The following TLL2 variants were observed in gnomAD, a reference collection of about 807,000 sequenced individuals.
TLL2 encodes the protein tolloid like 2.
TLL2 carries 106 observed loss-of-function variants against 123.0 expected under a neutral mutation model. That is an observed-to-expected ratio of 0.86 (90% CI 0.74 to 1.01). The LOEUF (loss-of-function observed/expected upper bound fraction) is 1.01, where lower values mean the gene tolerates loss of function less well. Among genes scored for constraint, TLL2 ranks in the 50% least tolerant of loss-of-function variants. The pLI is 0.00. For missense variants in TLL2, 1,332 were observed against 1,336.7 expected (o/e 1.00, Z 0.06); for synonymous variants, 494 against 516.8 (o/e 0.96, Z 0.60).
At chr10:96,478,085 G>A (rs1589432714) in intron 2 of TLL2, among the ~76,000 whole-genome samples, 1 of 152,326 alleles carries the variant, frequency 6.6e-6, no homozygotes, top group Middle Eastern at 3.4e-3. Flanking sequence ...AGGGCTGCTG[G>A]GCTTCCTCCA....
chr10:96,453,354 G>A (rs1846980775), intron 2 of TLL2, among the ~76,000 whole-genome samples: 1 of 152,156 alleles, frequency 6.6e-6, no homozygotes, highest in African/African-American at 2.4e-5. Context: ...TACTTAGGAG[G>A]CTGAGGCAGG....
chr10:96,477,155 T>C lies in TLL2; in HGVS notation c.286+3194A>G, dbSNP rs1293116087. Among the ~76,000 whole-genome samples, 3 of 150,192 alleles carry C rather than the reference T, an allele frequency of 2.0e-5. No individual in the cohort carries two copies. The Admixed American group carries it at 2.0e-4, about 10-fold the overall frequency. On this transcript the variant is annotated intron_variant, in intron 2 of 20. Coordinates refer to ENST00000357947, the MANE Select transcript of TLL2 (RefSeq NM_012465.4). ...ACTATTCTAGGTAGACGCAAAGTACTATTGGACCTCAGAGAAAAATGATCA... is the reference window on the plus strand; with the variant it reads ...ACTATTCTAGGTAGACGCAAAGTACCATTGGACCTCAGAGAAAAATGATCA...
chr10:96,367,293 C>T lies in TLL2; in HGVS notation c.*795G>A, dbSNP rs1846037730. ...ATGGAATTCCAAGCACAGGTGGAGT[C>T]TTCTCAAAGTCAATGAATGAAAAAA... On this transcript the variant is annotated 3_prime_UTR_variant, in exon 21 of 21. Coordinates refer to ENST00000357947, the MANE Select transcript of TLL2 (RefSeq NM_012465.4). 1 of 151,890 alleles carries T rather than the reference C, an allele frequency of 6.6e-6. No homozygotes were observed. Among genetic ancestry groups the T allele is most frequent in the African/African-American group, 2.4e-5 (1 of 41,230 alleles). The allele number at this position is 151,890 out of a possible 1,614,324, so 9.4% of individuals were successfully genotyped here.
intron 1 of TLL2, among the ~76,000 whole-genome samples, chr10:96,500,847 T>C (rs1299077418): frequency 6.6e-6 from 1 of 151,392 alleles, no homozygotes; most frequent in East Asian, 1.9e-4. Context: ...AAAATCTGTA[T>C]GTCCAACAAT....
chr10:96,499,501 T>C (rs1421394215), intron 1 of TLL2, among the ~76,000 whole-genome samples: 2 of 152,232 alleles, frequency 1.3e-5, no homozygotes, highest in African/African-American at 4.8e-5. Context: ...TGGTGTGGTT[T>C]CAGTCTCCTA....
At chr10:96,407,102 C>T (rs1196412202) in intron 9 of TLL2, among the ~76,000 whole-genome samples, 1 of 152,024 alleles carries the variant, frequency 6.6e-6, no homozygotes, top group Non-Finnish European at 1.5e-5. Context: ...ACCCATATAT[C>T]ATGTTGACCA....
At chr10:96,446,483 T>C (rs1440865408) in intron 2 of TLL2, among the ~76,000 whole-genome samples, 1 of 145,114 alleles carries the variant, frequency 6.9e-6, no homozygotes, top group Non-Finnish European at 1.5e-5. Flanking sequence ...CAAAATCAGC[T>C]TCCTCACGCG....
intron 7 of TLL2, among the ~76,000 whole-genome samples, chr10:96,415,308 GT>G (rs1283133854): frequency 6.6e-6 from 1 of 152,054 alleles, no homozygotes; most frequent in African/African-American, 2.4e-5. Flanking sequence ...CATGCCCTCT[GT>G]TTTTTTGTCT....
rs1456082148 is a variant in TLL2, at chr10:96,384,744, C to G, written c.2037G>C (p.Glu679Asp). The change falls in exon 16 of 21, where the codon GAG (glutamate) becomes GAC (aspartate). Residue 679 changes from glutamate (E) to aspartate (D), a missense_variant. Transcript: ENST00000357947. Reference sequence around the variant, plus strand: ...CGTCGGGGGACAGGCCGCTGCGCACCTCTACAAAGTCGTACTTACAGACCT... The same window carrying G: ...CGTCGGGGGACAGGCCGCTGCGCACGTCTACAAAGTCGTACTTACAGACCT... Reference protein sequence around the residue: ...GNDVCKYDFVEVRSGLSPDAK... With the variant: ...GNDVCKYDFVDVRSGLSPDAK... 6.2e-7 allele frequency: 1 copy of G among 1,603,232 alleles called. No homozygotes were observed. The highest frequency in any genetic ancestry group is 2.2e-5 in the East Asian group (1 of 44,454).
intron 4 of TLL2, among the ~76,000 whole-genome samples, chr10:96,432,153 C>T (rs1480808996): frequency 6.6e-6 from 1 of 152,128 alleles, no homozygotes; most frequent in Non-Finnish European, 1.5e-5. Context: ...ATATTAATAT[C>T]AGATACATAC....
intron 2 of TLL2, among the ~76,000 whole-genome samples, chr10:96,472,325 T>G (rs1243708649): frequency 6.6e-6 from 1 of 152,088 alleles, no homozygotes; most frequent in Non-Finnish European, 1.5e-5. Context: ...CCATTCTCAT[T>G]TGGACACTTG....
intron 17 of TLL2, among the ~76,000 whole-genome samples, chr10:96,377,978 G>T (rs1029765033): frequency 2.0e-5 from 3 of 152,240 alleles, no homozygotes; most frequent in African/African-American, 7.2e-5. Flanking sequence ...AGGCAAGCCT[G>T]GTCCTGGCCC....
At chr10:96,379,927 T>G (rs1367245622) in intron 16 of TLL2, among the ~76,000 whole-genome samples, 1 of 152,214 alleles carries the variant, frequency 6.6e-6, no homozygotes, top group African/African-American at 2.4e-5. Context: ...TGGGCTCAAG[T>G]GCCGCGACTC....
chr10:96,469,953 G>A (rs765122942), intron 2 of TLL2, among the ~76,000 whole-genome samples: 59 of 152,246 alleles, frequency 3.9e-4, no homozygotes, highest in African/African-American at 1.2e-3. Flanking sequence ...AGTTCTGACC[G>A]GTGGGAGCCA....
At chr10:96,508,161 G>A (rs995129934) in intron 1 of TLL2, among the ~76,000 whole-genome samples, 3 of 152,100 alleles carry the variant, frequency 2.0e-5, no homozygotes, top group Non-Finnish European at 4.4e-5. Flanking sequence ...CAGGATGCCC[G>A]CCCTGCCATG....
rs1290582345 is a variant in TLL2 at position 96,367,328 on chromosome 10, C to T, written c.*760G>A. 4.0e-5 allele frequency: 6 copies of T among 151,362 alleles called. No homozygotes were observed. Among genetic ancestry groups the T allele is most frequent in the Non-Finnish European group, 7.4e-5 (5 of 67,430 alleles). 9.4% of individuals were successfully genotyped at this position (151,362 alleles called of 1,614,324 possible). Reference sequence around the variant, plus strand: ...TCAATGAATGAAAAAAATATCAGGACGAGCCACAATATTGTCTTCTCAGCA... The same window carrying T: ...TCAATGAATGAAAAAAATATCAGGATGAGCCACAATATTGTCTTCTCAGCA... On this transcript the variant is annotated 3_prime_UTR_variant, in exon 21 of 21. Coordinates refer to ENST00000357947, the MANE Select transcript of TLL2 (RefSeq NM_012465.4).
At chr10:96,479,102 T>C (rs1272246590) in intron 2 of TLL2, among the ~76,000 whole-genome samples, 1 of 152,142 alleles carries the variant, frequency 6.6e-6, no homozygotes, top group Non-Finnish European at 1.5e-5. Flanking sequence ...TTAAGTAAAG[T>C]TCTGAATATA....
At chr10:96,488,104 G>A (rs888033882) in intron 1 of TLL2, among the ~76,000 whole-genome samples, 10 of 152,192 alleles carry the variant, frequency 6.6e-5, no homozygotes, top group Admixed American at 3.9e-4. Context: ...GTTGTTGCGA[G>A]CATCAGCTGA....
In TLL2 at chr10:96,480,388, A is replaced by C; in HGVS notation, c.247T>G (p.Trp83Gly). The C allele has an allele frequency of 1.9e-6, 3 of 1,614,188 alleles. No individual in the cohort carries two copies. The highest frequency in any genetic ancestry group is 2.5e-6 in the Non-Finnish European group (3 of 1,180,036). ...GTTGCCCCCACTGTCTGCTTGGTCC[A>C]GTCTCTGGCTTTGTCAATGTGAAAC... Reference protein sequence around the residue: ...KLFHIDKARDWTKQTVGATGH... With the variant: ...KLFHIDKARDGTKQTVGATGH... The change falls in exon 2 of 21, where the codon TGG becomes GGG. Residue 83 changes from tryptophan (W) to glycine (G), a missense_variant. Coordinates refer to ENST00000357947, the MANE Select transcript of TLL2 (RefSeq NM_012465.4).
Sources: allele counts gnomAD v4.1 joint callset (sites outside exome capture counted in the v4.1 genomes callset), GRCh38; gene constraint gnomAD v4.1.1; transcripts MANE v1.5; gene names NCBI Gene and HGNC (gene_info 2026-07-23, HGNC 2026-07-21).